Variants in NPY2R observed in about 807,000 individuals in gnomAD.
NPY2R encodes neuropeptide Y receptor Y2, also known as neuropeptide Y receptor type 2.
In NPY2R, 17 loss-of-function variants were observed where a neutral mutation model predicts 22.3. The observed-to-expected ratio is 0.76, with a 90% CI of 0.52 to 1.14. NPY2R has a LOEUF of 1.14. Among genes scored for constraint, NPY2R ranks in the 50% most tolerant of loss-of-function variants. The probability of loss-of-function intolerance (pLI) is 0.00; values close to 1 mark genes in which losing one functional copy is unlikely to be tolerated. For synonymous variants in NPY2R, 209 were observed against 183.4 expected (o/e 1.14, Z -1.13); for missense variants, 424 against 467.9 (o/e 0.91, Z 0.87).
the NPY2R span, among the ~76,000 whole-genome samples, chr4:155,201,542 T>C: frequency 6.6e-6 from 1 of 152,080 alleles, no homozygotes; most frequent in Non-Finnish European, 1.5e-5. Context: ...AAGAGCAACA[T>C]AAAATAACTG....
At chr4:155,210,750 A>T (rs1729387087) in intron 1 of NPY2R, among the ~76,000 whole-genome samples, 1 of 152,212 alleles carries the variant, frequency 6.6e-6, no homozygotes, top group Non-Finnish European at 1.5e-5. Flanking sequence ...ACCTGAGTAC[A>T]TGGAAACTCT....
intron 1 of NPY2R, among the ~76,000 whole-genome samples, chr4:155,209,341 T>C (rs966995705): frequency 6.6e-6 from 1 of 152,216 alleles, no homozygotes; most frequent in Non-Finnish European, 1.5e-5. Context: ...TAAGTTGTTA[T>C]TGTTCCTGCC....
chr4:155,179,328 G>A, the NPY2R span, among the ~76,000 whole-genome samples: 2 of 152,128 alleles, frequency 1.3e-5, 1 homozygote, highest in Non-Finnish European at 2.9e-5. Flanking sequence ...GCCAGATATT[G>A]TGGATTTTTC....
the NPY2R span, among the ~76,000 whole-genome samples, chr4:155,199,687 G>A: frequency 6.6e-6 from 1 of 152,054 alleles, no homozygotes; most frequent in Non-Finnish European, 1.5e-5. Context: ...CAATGGAACA[G>A]AACAGAGACC....
chr4:155,208,933 A>G lies in NPY2R; in HGVS notation c.-185A>G, dbSNP rs1390422489. On this transcript the variant is annotated 5_prime_UTR_variant, in exon 1 of 2. Coordinates refer to ENST00000329476, the MANE Select transcript of NPY2R (RefSeq NM_000910.4). The surrounding 1 kb of genome is among the most constrained non-coding windows in gnomAD (Gnocchi z 5.6). ...GCCCGCGCGGCGCGGGCTGTCCTGG[A>G]CCCTAGGAGGGGACGGAACCGGACT... The G allele has an allele frequency of 1.3e-5, 2 of 151,982 alleles. No homozygotes were observed. Among genetic ancestry groups the G allele is most frequent in the Non-Finnish European group, 2.9e-5 (2 of 68,002 alleles). 9.4% of individuals were successfully genotyped at this position (151,982 alleles called of 1,614,324 possible). A position where few individuals can be genotyped will look rare whatever the true frequency, so the allele number is the denominator to read the frequency against.
the NPY2R span, among the ~76,000 whole-genome samples, chr4:155,191,911 G>T: frequency 1.3e-5 from 2 of 151,916 alleles, no homozygotes; most frequent in Admixed American, 6.6e-5. Context: ...ATTTTAAAAG[G>T]TTGTTTGATT....
At position 155,215,388 on chromosome 4, in the gene NPY2R, A is replaced by G; in HGVS notation, c.*303A>G. ...TGGAGTGAAGAAAACTTGAACAAGAAATTGGTATTATCAAAGCATTGCTGA... is the reference window on the plus strand; with the variant it reads ...TGGAGTGAAGAAAACTTGAACAAGAGATTGGTATTATCAAAGCATTGCTGA... On this transcript the variant is annotated 3_prime_UTR_variant, in exon 2 of 2. Transcript: ENST00000329476. 1 of 459,274 alleles carries G rather than the reference A, an allele frequency of 2.2e-6. No individual in the cohort carries two copies. Among genetic ancestry groups the G allele is most frequent in the East Asian group, 4.8e-5 (1 of 21,006 alleles). The allele number at this position is 459,274 out of a possible 1,614,324, so 28.4% of individuals were successfully genotyped here. A position where few individuals can be genotyped will look rare whatever the true frequency, so the allele number is the denominator to read the frequency against.
chr4:155,205,850 T>TATCTATCTATCTATGA (rs1409735697), upstream of NPY2R, among the ~76,000 whole-genome samples: 1 of 151,030 alleles, frequency 6.6e-6, no homozygotes, highest in Admixed American at 6.6e-5. Context: ...TCTATCTATC[T>TATCTATCTATCTATGA]ATCTATGATT....
At chr4:155,205,144 A>C (rs1729256001), upstream of NPY2R, among the ~76,000 whole-genome samples, 1 of 152,142 alleles carries the variant, frequency 6.6e-6, no homozygotes, top group Non-Finnish European at 1.5e-5. Context: ...AAAATTTAAA[A>C]TTTCAGTTCT....
At chr4:155,191,107 C>T in the NPY2R span, among the ~76,000 whole-genome samples, 6 of 151,796 alleles carry the variant, frequency 4.0e-5, no homozygotes, top group African/African-American at 9.7e-5. Flanking sequence ...AGCACATTTG[C>T]GTTTTTGAAA....
intron 1 of NPY2R, among the ~76,000 whole-genome samples, chr4:155,210,688 G>T (rs916409951): frequency 6.6e-6 from 1 of 152,216 alleles, no homozygotes. Flanking sequence ...TCCTTGGAAT[G>T]TTCTATGTGA....
At chr4:155,192,813 G>A in the NPY2R span, among the ~76,000 whole-genome samples, 1 of 151,874 alleles carries the variant, frequency 6.6e-6, no homozygotes, top group Non-Finnish European at 1.5e-5. Flanking sequence ...GTGTTTTCTA[G>A]ACCCAGTCTC....
chr4:155,183,028 G>C, the NPY2R span, among the ~76,000 whole-genome samples: 1 of 152,022 alleles, frequency 6.6e-6, no homozygotes, highest in Non-Finnish European at 1.5e-5. Context: ...CCTGACCTCA[G>C]GTGATCCACC....
chr4:155,214,413 C>A lies in NPY2R; in HGVS notation c.474C>A (p.Ser158Arg). The change falls in exon 2 of 2, where the codon AGC becomes AGA. Residue 158 changes from serine (S) to arginine (R), a missense_variant. Physicochemically the swap from Ser to Arg is moderately radical, Grantham distance 110. Transcript: ENST00000329476. ...GGTGCATCGTCTACCACCTAGAGAG[C>A]AAGATCTCCAAGCGAATCAGCTTCC... ...RHRCIVYHLE[S>R]KISKRISFLI... The A allele has an allele frequency of 6.2e-7, 1 of 1,614,080 alleles. No individual in the cohort carries two copies. Among genetic ancestry groups the A allele is most frequent in the Non-Finnish European group, 8.5e-7 (1 of 1,180,016 alleles).
At chr4:155,183,156 C>T in the NPY2R span, among the ~76,000 whole-genome samples, 37 of 152,254 alleles carry the variant, frequency 2.4e-4, no homozygotes, top group African/African-American at 8.9e-4. Flanking sequence ...AGCACTCCAT[C>T]ATCAAGTAAA....
the NPY2R span, among the ~76,000 whole-genome samples, chr4:155,202,499 T>C: frequency 2.0e-5 from 3 of 152,178 alleles, no homozygotes; most frequent in African/African-American, 7.2e-5. Flanking sequence ...GATTTCTTTG[T>C]AGGAGTGGTG....
the NPY2R span, among the ~76,000 whole-genome samples, chr4:155,181,288 C>T: frequency 4.4e-4 from 67 of 152,288 alleles, no homozygotes; most frequent in Admixed American, 1.2e-3. Flanking sequence ...CCCTCCAATC[C>T]ACCCATCACT....
the NPY2R span, among the ~76,000 whole-genome samples, chr4:155,191,634 G>C: frequency 2.0e-5 from 3 of 151,846 alleles, no homozygotes; most frequent in Non-Finnish European, 4.4e-5. Context: ...CTGTAACTAA[G>C]TGGCAAACCC....
At chr4:155,202,857 G>C in the NPY2R span, among the ~76,000 whole-genome samples, 3 of 152,012 alleles carry the variant, frequency 2.0e-5, no homozygotes, top group Non-Finnish European at 4.4e-5. Flanking sequence ...AAATAAAATT[G>C]AAATTTCTAA....
Sources: allele counts gnomAD v4.1 joint callset (sites outside exome capture counted in the v4.1 genomes callset), GRCh38; gene constraint gnomAD v4.1.1; non-coding constraint Gnocchi (gnomAD v3.1); transcripts MANE v1.5; gene names NCBI Gene and HGNC (gene_info 2026-07-23, HGNC 2026-07-21).